TXNDC11: variants seen among roughly 807,000 people sequenced by gnomAD.
TXNDC11 encodes the protein thioredoxin domain containing 11, also known as thioredoxin domain-containing protein 11.
In TXNDC11, 68 loss-of-function variants were observed where a neutral mutation model predicts 78.0. That is an observed-to-expected ratio of 0.87 (90% CI 0.72 to 1.07). The LOEUF (loss-of-function observed/expected upper bound fraction) is 1.07, where lower values mean the gene tolerates loss of function less well. Among genes scored for constraint, TXNDC11 ranks in the 50% least tolerant of loss-of-function variants. The pLI, the probability that TXNDC11 is intolerant of heterozygous loss-of-function variation, is 0.00. For missense variants in TXNDC11, 1,389 were observed against 1,221.8 expected (o/e 1.14, Z -2.04); for synonymous variants, 571 against 495.2 (o/e 1.15, Z -2.03).
At position 11,692,345 on chromosome 16, in the gene TXNDC11, G is replaced by A. The variant is rs2050744489; in HGVS notation, c.1108-263C>T. Reference sequence around the variant, plus strand: ...TCCATGCTGTGGATGCTGCCAGCCTGTTACTTAGTAGCCAACGCAGTTATC... The same window carrying A: ...TCCATGCTGTGGATGCTGCCAGCCTATTACTTAGTAGCCAACGCAGTTATC... On this transcript the variant is annotated intron_variant, in intron 7 of 11. Coordinates refer to ENST00000283033, the MANE Select transcript of TXNDC11 (RefSeq NM_015914.7). 6 of 396,526 alleles carry A rather than the reference G, an allele frequency of 1.5e-5. No individual in the cohort carries two copies. In the East Asian group the frequency reaches 1.6e-4, roughly 11 times the overall value. The allele number at this position is 396,526 out of a possible 1,614,324, so 24.6% of individuals were successfully genotyped here.
intron 5 of TXNDC11, among the ~76,000 whole-genome samples, chr16:11,704,954 G>A (rs942176263): frequency 6.6e-6 from 1 of 151,450 alleles, no homozygotes; most frequent in African/African-American, 2.4e-5. Flanking sequence ...CTGTCGCCCA[G>A]GCTGGAGTAC....
At position 11,679,468 on chromosome 16, in the gene TXNDC11, A is replaced by G; in HGVS notation, c.2604T>C (p.Arg868=). The part of the protein sequence containing the change: ...QLQALYEQKT[R]ELQELARKLQ... ...GCTTGCGGGCCAGCTCCTGCAGCTCACGTGTCTTCTGCTCATAGAGGGCCT... is the reference window on the plus strand; with the variant it reads ...GCTTGCGGGCCAGCTCCTGCAGCTCGCGTGTCTTCTGCTCATAGAGGGCCT... Residue 868 remains arginine (R), a synonymous_variant, in exon 12 of 12, where the codon CGT becomes CGC. Coordinates refer to ENST00000283033, the MANE Select transcript of TXNDC11 (RefSeq NM_015914.7). The surrounding 1 kb of genome is among the most constrained non-coding windows in gnomAD (Gnocchi z 4.6). The G allele has an allele frequency of 6.2e-7, 1 of 1,613,666 alleles. No individual in the cohort carries two copies. Among genetic ancestry groups the G allele is most frequent in the Non-Finnish European group, 8.5e-7 (1 of 1,179,980 alleles).
chr16:11,692,295 G>A, intron 7 of TXNDC11: 1 of 494,160 alleles, frequency 2.0e-6, no homozygotes, highest in East Asian at 3.2e-5. Flanking sequence ...TACAAAAACT[G>A]CGAGCCATCC....
At chr16:11,718,579 G>A (rs1245396236) in intron 5 of TXNDC11, among the ~76,000 whole-genome samples, 1 of 152,010 alleles carries the variant, frequency 6.6e-6, no homozygotes, top group African/African-American at 2.4e-5. Context: ...CTTCAGGGTA[G>A]AAGAAAGGGA....
chr16:11,720,517 T>A (rs1567335705), intron 5 of TXNDC11, among the ~76,000 whole-genome samples: 1 of 148,474 alleles, frequency 6.7e-6, no homozygotes, highest in African/African-American at 2.5e-5. Context: ...CCGGGTTCAA[T>A]CGATTCTCCT....
At chr16:11,687,509 T>C (rs575802631) in intron 10 of TXNDC11, among the ~76,000 whole-genome samples, 11 of 152,362 alleles carry the variant, frequency 7.2e-5, no homozygotes, top group Admixed American at 2.6e-4. Context: ...AGAGATCTGC[T>C]TGGGATCCCA....
chr16:11,730,578 A>G (rs1186452166), intron 4 of TXNDC11, 67 bp downstream of exon 4: 1 of 1,534,552 alleles, frequency 6.5e-7, no homozygotes, highest in Admixed American at 1.8e-5. Flanking sequence ...CCCCTTTAAA[A>G]CAAACAATCC....
intron 1 of TXNDC11, among the ~76,000 whole-genome samples, chr16:11,737,851 CAA>C (rs538318388): frequency 7.4e-5 from 4 of 54,174 alleles, no homozygotes; most frequent in Non-Finnish European, 7.3e-5. Context: ...CTACGTCTCT[CAA>C]AAAAAAAAAA....
At chr16:11,710,227 G>A (rs552711944) in intron 5 of TXNDC11, among the ~76,000 whole-genome samples, 2 of 151,578 alleles carry the variant, frequency 1.3e-5, no homozygotes, top group African/African-American at 4.8e-5. Context: ...GCCCTCAGGG[G>A]AAGGAAGGAC....
intron 5 of TXNDC11, among the ~76,000 whole-genome samples, chr16:11,716,655 C>T (rs953013962): frequency 1.3e-5 from 2 of 152,058 alleles, no homozygotes; most frequent in Admixed American, 1.3e-4. Flanking sequence ...ATGCTGTGCA[C>T]CTAGAAAGGA....
chr16:11,698,832 C>T (rs1056121476), intron 6 of TXNDC11, among the ~76,000 whole-genome samples: 6 of 152,180 alleles, frequency 3.9e-5, no homozygotes, highest in African/African-American at 1.2e-4. Context: ...CGGGCCTAGA[C>T]GAACACCAGG....
intron 7 of TXNDC11, among the ~76,000 whole-genome samples, chr16:11,694,854 C>CAACTT (rs3028641): frequency 0.083 from 12,688 of 152,248 alleles, 1,147 homozygotes; most frequent in African/African-American, 0.22. Context: ...AAACACAACT[C>CAACTT]ATGTCACATT....
In TXNDC11 at chr16:11,740,146, T is replaced by TA. The variant is rs57384979; in HGVS notation, c.254+2330dup. On this transcript the variant is annotated intron_variant, in intron 1 of 11. Transcript: ENST00000283033. ...AGGCAGAGGTTGCAGTGAGCCAAGA[T>TA]AAAAAAAAAAAAAAAAATCCTATTC... 6.3e-3 allele frequency among the ~76,000 whole-genome samples: 704 copies of TA among 111,840 alleles called. 9 individuals carry two copies. Among genetic ancestry groups the TA allele is most frequent in the South Asian group, 0.03 (115 of 3,816 alleles). The allele number at this position is 111,840 out of a possible 152,430, so 73.4% of individuals were successfully genotyped here. A position where few individuals can be genotyped will look rare whatever the true frequency, so the allele number is the denominator to read the frequency against.
chr16:11,721,529 T>TA, intron 5 of TXNDC11, 48 bp downstream of exon 5: 1 of 1,030,228 alleles, frequency 9.7e-7, no homozygotes, highest in Non-Finnish European at 1.5e-6. Context: ...AAGATGTAAG[T>TA]AACAATTCTA....
chr16:11,684,503 G>A (rs993419734), intron 10 of TXNDC11, among the ~76,000 whole-genome samples: 4 of 152,102 alleles, frequency 2.6e-5, no homozygotes, highest in East Asian at 1.9e-4. Flanking sequence ...AGAAAATGCC[G>A]CACTGACACC....
At chr16:11,721,754 C>G in intron 4 of TXNDC11, 84 bp from the exon 5 acceptor site, 1 of 693,492 alleles carries the variant, frequency 1.4e-6, no homozygotes, top group South Asian at 1.7e-5. Context: ...AGACATATTA[C>G]AATTTGACAA....
At chr16:11,727,326 GC>G (rs2051913178) in intron 4 of TXNDC11, among the ~76,000 whole-genome samples, 1 of 148,666 alleles carries the variant, frequency 6.7e-6, no homozygotes, top group Non-Finnish European at 1.5e-5. Context: ...ACTAAGTCAA[GC>G]AAAAAAAAAC....
chr16:11,711,766 C>T (rs533827154), intron 5 of TXNDC11, among the ~76,000 whole-genome samples: 1 of 152,328 alleles, frequency 6.6e-6, no homozygotes, highest in Admixed American at 6.5e-5. Flanking sequence ...CTGCCTACCA[C>T]ACTAACCCTG....
intron 3 of TXNDC11, among the ~76,000 whole-genome samples, chr16:11,731,424 C>T (rs977064052): frequency 1.3e-5 from 2 of 152,210 alleles, no homozygotes; most frequent in Non-Finnish European, 2.9e-5. Flanking sequence ...CTAAGTGATA[C>T]CACCACTATT....
Sources: gnomAD v4.1 joint callset for allele counts (sites outside exome capture counted in the v4.1 genomes callset) on GRCh38, gnomAD v4.1.1 for gene constraint, Gnocchi (gnomAD v3.1) non-coding constraint, MANE v1.5 for transcripts, NCBI Gene and HGNC (gene_info 2026-07-23, HGNC 2026-07-21) for gene names.